The following NAV3 variants were observed in gnomAD, a reference collection of about 807,000 sequenced individuals.
NAV3 encodes the protein pore membrane and/or filament interacting like protein 1.
NAV3 carries 87 observed loss-of-function variants against 244.7 expected under a neutral mutation model. The ratio of observed to expected loss-of-function variants is 0.36; its 90% CI spans 0.30 to 0.42. The LOEUF is 0.42. Among genes scored for constraint, NAV3 ranks in the 20% least tolerant of loss-of-function variants. The probability of loss-of-function intolerance (pLI) is 1.00; values close to 1 mark genes in which losing one functional copy is unlikely to be tolerated. For synonymous variants in NAV3, 1,126 were observed against 1,042.2 expected (o/e 1.08, Z -1.55); for missense variants, 2,663 against 2,893.3 (o/e 0.92, Z 1.83).
intron 2 of NAV3, among the ~76,000 whole-genome samples, chr12:77,683,003 A>G (rs1874541560): frequency 6.6e-6 from 1 of 151,998 alleles, no homozygotes; most frequent in African/African-American, 2.4e-5. Flanking sequence ...TGCTATACTG[A>G]GGCTTTTAGT....
intron 2 of NAV3, among the ~76,000 whole-genome samples, chr12:77,672,329 G>A (rs142910496): frequency 6.6e-6 from 1 of 152,114 alleles, no homozygotes; most frequent in Non-Finnish European, 1.5e-5. Flanking sequence ...ACGGAAAATA[G>A]TGTGGAGATT....
At position 77,765,477 on chromosome 12, in the gene NAV3, C is replaced by T. The variant is rs549650918; in HGVS notation, c.73-174842C>T. On this transcript the variant is annotated intron_variant, in intron 2 of 8. Coordinates refer to the NAV3 transcript ENST00000550042. Reference sequence around the variant, plus strand: ...AAGAATATGGTAGGTGATGCAGAGACTCACAAGAGCACAAAAGCAGCAGCA... The same window carrying T: ...AAGAATATGGTAGGTGATGCAGAGATTCACAAGAGCACAAAAGCAGCAGCA... Among the ~76,000 whole-genome samples, 10 of 152,260 alleles carry T rather than the reference C, an allele frequency of 6.6e-5. No individual in the cohort carries two copies. In the South Asian group the frequency reaches 1.5e-3, roughly 22 times the overall value.
At chr12:77,682,099 T>A (rs1300521689) in intron 2 of NAV3, among the ~76,000 whole-genome samples, 1 of 152,088 alleles carries the variant, frequency 6.6e-6, no homozygotes, top group African/African-American at 2.4e-5. Flanking sequence ...AACCAAAATT[T>A]TGTGTTCTTT....
intron 22 of NAV3, among the ~76,000 whole-genome samples, chr12:78,150,090 T>C (rs7134636): frequency 0.04 from 6,145 of 152,158 alleles, 392 homozygotes; most frequent in African/African-American, 0.14. Flanking sequence ...TTTAACCTTG[T>C]TGTGTTTTTA....
intron 1 of NAV3, among the ~76,000 whole-genome samples, chr12:77,904,429 T>C (rs1016211648): frequency 2.6e-5 from 4 of 151,826 alleles, no homozygotes; most frequent in African/African-American, 9.7e-5. Flanking sequence ...TCACTCATAG[T>C]TGGGAATTGA....
chr12:78,075,783 T>C (rs1010526747), intron 12 of NAV3, among the ~76,000 whole-genome samples: 10 of 152,240 alleles, frequency 6.6e-5, no homozygotes, highest in Non-Finnish European at 1.0e-4. Flanking sequence ...CAAAGTTTTA[T>C]TAACCTGCCA....
At chr12:77,822,196 A>T (rs1002427519) in intron 2 of NAV3, among the ~76,000 whole-genome samples, 2 of 152,198 alleles carry the variant, frequency 1.3e-5, no homozygotes, top group African/African-American at 4.8e-5. Flanking sequence ...AGAAGCCTGT[A>T]GGGTAGTAAA....
chr12:77,744,724 T>C (rs1262924837), intron 2 of NAV3, among the ~76,000 whole-genome samples: 1 of 152,002 alleles, frequency 6.6e-6, no homozygotes, highest in Non-Finnish European at 1.5e-5. Context: ...CGTAATGTTC[T>C]AGATAGGTTC....
At chr12:77,653,818 A>G (rs1218367826) in intron 2 of NAV3, among the ~76,000 whole-genome samples, 1 of 152,190 alleles carries the variant, frequency 6.6e-6, no homozygotes, top group Non-Finnish European at 1.5e-5. Context: ...AATGCATTAT[A>G]GCTCTGTACA....
intron 1 of NAV3, among the ~76,000 whole-genome samples, chr12:77,851,812 A>G (rs1877573270): frequency 1.3e-5 from 2 of 152,320 alleles, no homozygotes; most frequent in South Asian, 4.1e-4. Context: ...TATTACTGTA[A>G]CTTCATGAAA....
At chr12:77,892,441 A>G (rs1884050911) in intron 1 of NAV3, among the ~76,000 whole-genome samples, 2 of 151,278 alleles carry the variant, frequency 1.3e-5, no homozygotes, top group African/African-American at 2.4e-5. Context: ...TTTTAGACAG[A>G]ATCTTGCTCT....
intron 23 of NAV3, among the ~76,000 whole-genome samples, 155 bp from the exon 24 acceptor site, chr12:78,168,600 A>C (rs1957876976): frequency 1.3e-5 from 2 of 152,000 alleles, no homozygotes; most frequent in South Asian, 2.1e-4. Context: ...CTGAGAAAGA[A>C]GTTATTAGGT....
At chr12:77,931,594 C>T (rs995089826) in intron 1 of NAV3, among the ~76,000 whole-genome samples, 6 of 151,996 alleles carry the variant, frequency 3.9e-5, no homozygotes, top group East Asian at 3.9e-4. Flanking sequence ...CGGCCAGGTG[C>T]GGTGGCTCAC....
intron 8 of NAV3, among the ~76,000 whole-genome samples, chr12:78,009,521 C>G (rs910157132): frequency 6.4e-5 from 9 of 140,788 alleles, no homozygotes; most frequent in Non-Finnish European, 1.2e-4. Flanking sequence ...TGTTCAGAAA[C>G]AGCATCTTGT....
intron 2 of NAV3, among the ~76,000 whole-genome samples, chr12:77,727,935 C>T (rs1377726482): frequency 6.6e-6 from 1 of 151,866 alleles, no homozygotes; most frequent in Non-Finnish European, 1.5e-5. Context: ...CCAATATTAT[C>T]CATCCCCACT....
intron 2 of NAV3, among the ~76,000 whole-genome samples, chr12:77,745,875 G>A (rs558218885): frequency 6.6e-6 from 1 of 151,620 alleles, no homozygotes; most frequent in African/African-American, 2.4e-5. Flanking sequence ...ACTCTCAAGT[G>A]CATAGGAGAC....
intron 3 of NAV3, among the ~76,000 whole-genome samples, chr12:77,957,584 TGTATG>T (rs1891482074): frequency 6.6e-6 from 1 of 152,210 alleles, no homozygotes; most frequent in African/African-American, 2.4e-5. Context: ...CAGCTTAAAA[TGTATG>T]AGTTCAATAA....
At chr12:78,025,509 T>G (rs560196925) in intron 9 of NAV3, among the ~76,000 whole-genome samples, 1 of 134,858 alleles carries the variant, frequency 7.4e-6, no homozygotes, top group Non-Finnish European at 1.5e-5. Flanking sequence ...GGCAGGAGAA[T>G]CACTTGAACC....
chr12:77,576,411 A>G (rs1363190685), intron 2 of NAV3, among the ~76,000 whole-genome samples: 1 of 151,998 alleles, frequency 6.6e-6, no homozygotes, highest in African/African-American at 2.4e-5. Flanking sequence ...ACTGACATCA[A>G]ACAGAAGCGT....
Sources: gnomAD v4.1 joint callset for allele counts (sites outside exome capture counted in the v4.1 genomes callset) on GRCh38, gnomAD v4.1.1 for gene constraint, MANE v1.5 for transcripts, NCBI Gene and HGNC (gene_info 2026-07-23, HGNC 2026-07-21) for gene names.